The following FSIP2 variants were observed in gnomAD, a reference collection of about 807,000 sequenced individuals.
FSIP2 encodes the protein fibrous sheath interacting protein 2.
Under a neutral mutation model 510.5 loss-of-function variants are expected in FSIP2, and 367 were observed. The ratio of observed to expected loss-of-function variants is 0.72; its 90% CI spans 0.66 to 0.78. The LOEUF (loss-of-function observed/expected upper bound fraction) is 0.78. Ranked by LOEUF, FSIP2 falls within the 30% of genes least tolerant of loss-of-function variation. The pLI is 0.00. For missense variants in FSIP2, 7,594 were observed against 7,901.7 expected, an observed-to-expected ratio of 0.96 and a Z score of 1.48; for synonymous variants, 2,601 against 2,732.2, an observed-to-expected ratio of 0.95 and a Z score of 1.50.
Position 185,813,661 on chromosome 2 carries a change from T to C in FSIP2, c.19944T>C (p.Ile6648=), listed in dbSNP as rs1401297474. The C allele has an allele frequency of 1.7e-5, 28 of 1,607,530 alleles. No individual in the cohort carries two copies. The highest frequency in any genetic ancestry group is 8.9e-5 in the South Asian group (8 of 89,844). ...TTGTTCGATTAGTAGCTCATGATAT[T>C]GATCAAGTGTATTTGGAAAATTACA... The part of the protein sequence containing the change: ...DLIVRLVAHD[I]DQVYLENYIK... Residue 6648 remains isoleucine (I), a synonymous_variant, in exon 18 of 23, where the codon ATT becomes ATC. Transcript: ENST00000424728.
In FSIP2 at chr2:185,805,433, T is replaced by A. The variant is rs748515208; in HGVS notation, c.16127T>A (p.Ile5376Asn). The A allele has an allele frequency of 6.2e-7, 1 of 1,608,044 alleles. No individual in the cohort carries two copies. The highest frequency in any genetic ancestry group is 8.5e-7 in the Non-Finnish European group (1 of 1,177,362). ...ATTCAAAAAGGTGATGAAAGTAACA[T>A]TGCTATAGGGATGATTGCTGCTCTA... Reference protein sequence around the residue: ...HDIQKGDESNIAIGMIAALTQ... With the variant: ...HDIQKGDESNNAIGMIAALTQ... The change falls in exon 17 of 23, where the codon ATT becomes AAT. Residue 5376 changes from isoleucine to asparagine, a missense_variant. By Grantham distance (149) the Ile-to-Asn change is moderately radical. Transcript: ENST00000424728.
Position 185,803,845 on chromosome 2 carries a change from T to A in FSIP2, c.14539T>A (p.Tyr4847Asn). 6.6e-7 allele frequency: 1 copy of A among 1,508,252 alleles called. No homozygotes were observed. Among genetic ancestry groups the A allele is most frequent in the Admixed American group, 2.1e-5 (1 of 47,442 alleles). 93.4% of individuals were successfully genotyped at this position (1,508,252 alleles called of 1,614,324 possible). A position where few individuals can be genotyped will look rare whatever the true frequency, so the allele number is the denominator to read the frequency against. ...ISKHEICIIK[Y>N]GNKKQSMISA... ...AAAACATGAAATATGTATTATTAAA[T>A]ATGGGAATAAAAAACAGAGTATGAT... Residue 4847 changes from tyrosine (Y) to asparagine (N), a missense_variant, in exon 17 of 23, where the codon TAT becomes AAT. Physicochemically the swap from Tyr to Asn is moderately radical, Grantham distance 143 (BLOSUM62 -2). Coordinates refer to ENST00000424728, the MANE Select transcript of FSIP2 (RefSeq NM_173651.4).
intron 13 of FSIP2, among the ~76,000 whole-genome samples, chr2:185,766,879 T>A: frequency 7.9e-6 from 1 of 125,902 alleles, no homozygotes; most frequent in Non-Finnish European, 1.7e-5. Flanking sequence ...GTATGTTTAT[T>A]GTGGCATTAT....
At chr2:185,783,348 A>G (rs576903685) in intron 14 of FSIP2, among the ~76,000 whole-genome samples, 1 of 152,320 alleles carries the variant, frequency 6.6e-6, no homozygotes, top group South Asian at 2.1e-4. Context: ...AAGAAAAGAA[A>G]GAGAGGAAAA....
intron 9 of FSIP2, among the ~76,000 whole-genome samples, chr2:185,759,768 A>G (rs1692314635): frequency 1.3e-5 from 2 of 150,096 alleles, no homozygotes; most frequent in Non-Finnish European, 3.0e-5. Context: ...TATATTTTGT[A>G]TAAAAGTGAT....
chr2:185,778,251 T>G (rs1325759923), intron 13 of FSIP2, among the ~76,000 whole-genome samples: 2 of 151,960 alleles, frequency 1.3e-5, no homozygotes, highest in Non-Finnish European at 2.9e-5. Context: ...GCATGTTAGT[T>G]TGGCCAAGTT....
chr2:185,802,124 C>T lies in FSIP2; in HGVS notation c.12818C>T (p.Thr4273Ile). ...LSGEVLCHPR[T>I]PLDPVSTIVT... ...GGAGAGGTTTTATGTCATCCAAGGA[C>T]TCCACTGGATCCAGTGTCTACTATT... The change falls in exon 17 of 23, where the codon ACT becomes ATT. Residue 4273 changes from threonine (T) to isoleucine (I), a missense_variant. Coordinates refer to ENST00000424728, the MANE Select transcript of FSIP2 (RefSeq NM_173651.4). 1 of 1,532,930 alleles carries T rather than the reference C, an allele frequency of 6.5e-7. No homozygotes were observed. Among genetic ancestry groups the T allele is most frequent in the Non-Finnish European group, 8.7e-7 (1 of 1,144,676 alleles). The allele number at this position is 1,532,930 out of a possible 1,614,324, so 95.0% of individuals were successfully genotyped here. A position where few individuals can be genotyped will look rare whatever the true frequency, so the allele number is the denominator to read the frequency against.
At chr2:185,785,896 G>GCAGT (rs1692961354) in intron 14 of FSIP2, among the ~76,000 whole-genome samples, 1 of 151,894 alleles carries the variant, frequency 6.6e-6, no homozygotes, top group East Asian at 1.9e-4. Context: ...AGGGCTTTTA[G>GCAGT]CAGTCAGAAG....
At position 185,824,348 on chromosome 2, in the gene FSIP2, T is replaced by G. The variant is rs1264063148; in HGVS notation, c.20427-86T>G. 5 of 847,112 alleles carry G rather than the reference T, an allele frequency of 5.9e-6. No individual in the cohort carries two copies. The Admixed American group carries it at 1.2e-4, about 20-fold the overall frequency. The allele number at this position is 847,112 out of a possible 1,614,324, so 52.5% of individuals were successfully genotyped here. ...ATACTATTTCAGGTTTCTTTCCATA[T>G]GGAGAATAACTGTTCTTTTGCTTAA... On this transcript the variant is annotated intron_variant, in intron 19 of 22. Transcript: ENST00000424728.
chr2:185,748,049 A>ATT (rs1692069271), intron 7 of FSIP2, among the ~76,000 whole-genome samples: 1 of 152,082 alleles, frequency 6.6e-6, no homozygotes, highest in Non-Finnish European at 1.5e-5. Context: ...AATTTTAGGT[A>ATT]GGTTATTGTT....
At chr2:185,829,870 G>A (rs896533649) in intron 21 of FSIP2, among the ~76,000 whole-genome samples, 3 of 151,846 alleles carry the variant, frequency 2.0e-5, no homozygotes, top group African/African-American at 7.2e-5. Context: ...ATGAGAGTTA[G>A]GCATTGAGGA....
chr2:185,768,622 C>T (rs1476021917), intron 13 of FSIP2, among the ~76,000 whole-genome samples: 5 of 151,618 alleles, frequency 3.3e-5, no homozygotes, highest in Non-Finnish European at 5.9e-5. Flanking sequence ...TAGTTATTTT[C>T]TTTATTAAGA....
At chr2:185,760,351 A>T (rs1692325123) in intron 9 of FSIP2, among the ~76,000 whole-genome samples, 2 of 150,238 alleles carry the variant, frequency 1.3e-5, no homozygotes, top group South Asian at 4.2e-4. Flanking sequence ...TTTAAGTTAA[A>T]CCTATATTTA....
intron 13 of FSIP2, among the ~76,000 whole-genome samples, chr2:185,772,931 G>A (rs997979675): frequency 1.9e-4 from 29 of 151,528 alleles, no homozygotes; most frequent in Non-Finnish European, 2.8e-4. Context: ...CATGATCTCA[G>A]CTCACTGTAA....
At chr2:185,815,329 C>T in intron 18 of FSIP2, 42 bp from the exon 19 acceptor site, 1 of 889,716 alleles carries the variant, frequency 1.1e-6, no homozygotes. Context: ...AAAATATATC[C>T]CAAACTCCAT....
intron 7 of FSIP2, among the ~76,000 whole-genome samples, chr2:185,752,519 T>G (rs753352921): frequency 6.6e-6 from 1 of 151,320 alleles, no homozygotes; most frequent in African/African-American, 2.4e-5. Context: ...TTATTTTATC[T>G]TTTCTCTCCT....
chr2:185,778,898 T>TA (rs1481356078), intron 13 of FSIP2, among the ~76,000 whole-genome samples: 1 of 152,064 alleles, frequency 6.6e-6, no homozygotes, highest in African/African-American at 2.4e-5. Flanking sequence ...CTGCCCATTT[T>TA]AAAAAATATT....
rs995226936 is a variant in FSIP2, at chr2:185,802,705, A to G, written c.13399A>G (p.Thr4467Ala). Residue 4467 changes from threonine (T) to alanine (A), a missense_variant, in exon 17 of 23, where the codon ACA becomes GCA. Coordinates refer to ENST00000424728, the MANE Select transcript of FSIP2 (RefSeq NM_173651.4). Reference protein sequence around the residue: ...VPLYNTLLPYTFLEDMIRVLL... With the variant: ...VPLYNTLLPYAFLEDMIRVLL... Reference sequence around the variant, plus strand: ...TCTATATAACACCTTGCTGCCATACACATTTTTAGAAGATATGATCAGAGT... The same window carrying G: ...TCTATATAACACCTTGCTGCCATACGCATTTTTAGAAGATATGATCAGAGT... 3 of 1,525,592 alleles carry G rather than the reference A, an allele frequency of 2.0e-6. No homozygotes were observed. In the Admixed American group the frequency reaches 6.1e-5, roughly 31 times the overall value. The allele number at this position is 1,525,592 out of a possible 1,614,324, so 94.5% of individuals were successfully genotyped here. A position where few individuals can be genotyped will look rare whatever the true frequency, so the allele number is the denominator to read the frequency against.
At chr2:185,772,568 A>G (rs6434142) in intron 13 of FSIP2, among the ~76,000 whole-genome samples, 147,567 of 152,104 alleles carry the variant, frequency 0.97, 71,665 homozygotes, top group Middle Eastern at 1. Flanking sequence ...ATGTGAACTC[A>G]GCACAAGAAC....
Sources: allele counts gnomAD v4.1 joint callset (sites outside exome capture counted in the v4.1 genomes callset), GRCh38; gene constraint gnomAD v4.1.1; transcripts MANE v1.5; gene names NCBI Gene and HGNC (gene_info 2026-07-23, HGNC 2026-07-21).